Variants in COIL observed in about 807,000 individuals in gnomAD.
The protein encoded by COIL is coilin p80.
In COIL, 28 loss-of-function variants were observed where a neutral mutation model predicts 51.6. The observed-to-expected ratio is 0.54, with a 90% confidence interval of 0.40 to 0.74. The LOEUF is 0.74. COIL is among the 30% of genes least tolerant of loss of function. The probability of loss-of-function intolerance (pLI) is 0.00; values close to 1 mark genes in which losing one functional copy is unlikely to be tolerated. For missense variants in COIL, 667 were observed against 685.9 expected (o/e 0.97, Z 0.31); for synonymous variants, 233 against 255.8 (o/e 0.91, Z 0.85).
At position 56,961,048 on chromosome 17, in the gene COIL, G is replaced by C. The variant is rs201520115; in HGVS notation, c.-29C>G. 5 of 1,604,392 alleles carry C rather than the reference G, an allele frequency of 3.1e-6. No homozygotes were observed. In the African/African-American group the frequency reaches 6.7e-5, roughly 22 times the overall value. On this transcript the variant is annotated 5_prime_UTR_variant, in exon 1 of 7. It adds an upstream start codon to the 5' untranslated region. Transcript: ENST00000240316. Reference sequence around the variant, plus strand: ...GCTTGGTGCTCAACGGAAGCCGAGAGATACCACGGGGCCACCGAGAGGCGT... The same window carrying C: ...GCTTGGTGCTCAACGGAAGCCGAGACATACCACGGGGCCACCGAGAGGCGT...
intron 4 of COIL, among the ~76,000 whole-genome samples, chr17:56,947,008 T>C (rs1910261578): frequency 1.3e-5 from 2 of 152,174 alleles, no homozygotes; most frequent in South Asian, 4.1e-4. Context: ...ACTTTATCAC[T>C]GTTAAGATCC....
chr17:56,957,301 A>C (rs1167356746), intron 1 of COIL, among the ~76,000 whole-genome samples: 1 of 151,320 alleles, frequency 6.6e-6, no homozygotes, highest in African/African-American at 2.4e-5. Flanking sequence ...TGCACGATTA[A>C]AAAAAATTTA....
At chr17:56,957,666 A>C (rs911901462) in intron 1 of COIL, among the ~76,000 whole-genome samples, 1 of 152,056 alleles carries the variant, frequency 6.6e-6, no homozygotes, top group Non-Finnish European at 1.5e-5. Context: ...TAAAATAAAA[A>C]AACCAAATCT....
chr17:56,942,173 TA>T, intron 5 of COIL, 50 bp from the exon 6 acceptor site: 1 of 1,399,418 alleles, frequency 7.1e-7, no homozygotes, highest in Non-Finnish European at 1.0e-6. Context: ...TTTCAATAGT[TA>T]AAAATGTTCC....
intron 4 of COIL, among the ~76,000 whole-genome samples, chr17:56,948,132 ATTTTTTT>A (rs11450212): frequency 8.1e-6 from 1 of 123,834 alleles, no homozygotes; most frequent in Non-Finnish European, 1.6e-5. Context: ...TTGAGGAAAG[ATTTTTTT>A]TTTTTTTTTT....
At chr17:56,946,584 T>C (rs1910254495) in intron 4 of COIL, 73 bp from the exon 5 acceptor site, 4 of 954,356 alleles carry the variant, frequency 4.2e-6, no homozygotes, top group Middle Eastern at 2.4e-4. Context: ...CACTGAATTG[T>C]AGACTTTAAA....
chr17:56,946,355 G>A (rs1910250018), intron 5 of COIL, 87 bp downstream of exon 5: 1 of 885,672 alleles, frequency 1.1e-6, no homozygotes, highest in Admixed American at 2.2e-5. Flanking sequence ...GGAGGCCAAG[G>A]AAGAGAACAT....
Position 56,946,308 on chromosome 17 carries a change from A to G in COIL, c.1558+134T>C, listed in dbSNP as rs544507295. The G allele has an allele frequency of 9.7e-5, 58 of 599,586 alleles. No homozygotes were observed. The South Asian group carries it at 1.4e-3, about 15-fold the overall frequency. 37.1% of individuals were successfully genotyped at this position (599,586 alleles called of 1,614,324 possible). The stretch of plus-strand genomic sequence containing the variant: ...ACATCTCTTATGAGCCCCCAGGGCT[A>G]AAGTGTGCTGAAAGAAGTGGGGAGC... On this transcript the variant is annotated intron_variant, in intron 5 of 6. Coordinates refer to ENST00000240316, the MANE Select transcript of COIL (RefSeq NM_004645.3).
intron 6 of COIL, among the ~76,000 whole-genome samples, chr17:56,941,806 T>C (rs1306604546): frequency 6.6e-6 from 1 of 152,246 alleles, no homozygotes; most frequent in African/African-American, 2.4e-5. Flanking sequence ...TATATAGCTA[T>C]AATTTTAAAC....
At chr17:56,946,010 C>T (rs1197934355) in intron 5 of COIL, among the ~76,000 whole-genome samples, 1 of 152,196 alleles carries the variant, frequency 6.6e-6, no homozygotes, top group Non-Finnish European at 1.5e-5. Flanking sequence ...GCCACCGTGC[C>T]CAGCCTGGGT....
chr17:56,951,227 A>G (rs1477757694), intron 1 of COIL, among the ~76,000 whole-genome samples: 1 of 152,218 alleles, frequency 6.6e-6, no homozygotes, highest in East Asian at 1.9e-4. Flanking sequence ...TGCATCCTAA[A>G]CATTTTTAAT....
At chr17:56,952,900 CAACAGCT>C (rs1256815448) in intron 1 of COIL, among the ~76,000 whole-genome samples, 1 of 152,126 alleles carries the variant, frequency 6.6e-6, no homozygotes, top group East Asian at 1.9e-4. Flanking sequence ...CATCAACAGG[CAACAGCT>C]AATCCTAGTA....
At chr17:56,947,003 A>G (rs979318475) in intron 4 of COIL, among the ~76,000 whole-genome samples, 3 of 152,198 alleles carry the variant, frequency 2.0e-5, no homozygotes, top group Admixed American at 6.5e-5. Flanking sequence ...AAGGCACTTT[A>G]TCACTGTTAA....
At chr17:56,942,176 A>C (rs1439957702) in intron 5 of COIL, 53 bp from the exon 6 acceptor site, 1 of 1,382,458 alleles carries the variant, frequency 7.2e-7, no homozygotes, top group Non-Finnish European at 1.0e-6. Flanking sequence ...CAATAGTTAA[A>C]AATGTTCCTC....
chr17:56,958,792 AAG>A lies in COIL; in HGVS notation c.245+1981_245+1982del, dbSNP rs1491503759. 5.0e-4 allele frequency among the ~76,000 whole-genome samples: 76 copies of A among 152,300 alleles called. 1 individual carries two copies. ...AGAGACCTATTTCACAGTCAATAAA[AAG>A]GGGGAAAAAAAACTCTTTGAAATTT... On this transcript the variant is annotated intron_variant, in intron 1 of 6. Transcript: ENST00000240316.
Position 56,946,457 on chromosome 17 carries a change from G to A in COIL, c.1543C>T (p.Leu515Phe). The A allele has an allele frequency of 1.9e-6, 3 of 1,608,592 alleles. No homozygotes were observed. Among genetic ancestry groups the A allele is most frequent in the Non-Finnish European group, 2.6e-6 (3 of 1,175,610 alleles). The change falls in exon 5 of 7, where the codon CTT (leucine) becomes TTT (phenylalanine). Residue 515 changes from leucine (L) to phenylalanine (F), a missense_variant. By Grantham distance (22) the Leu-to-Phe change is conservative (BLOSUM62 0). Transcript: ENST00000240316. ...PETQQVDIEI[L>F]SSLPALREPG... ...AAAGACTCACCAGGTAAGGATGAAA[G>A]AATTTCTATATCTACTTGCTGGGTC...
chr17:56,957,913 G>A (rs1910513295), intron 1 of COIL, among the ~76,000 whole-genome samples: 1 of 152,178 alleles, frequency 6.6e-6, no homozygotes, highest in African/African-American at 2.4e-5. Flanking sequence ...TTAAGAGAAT[G>A]GGCTATGAGG....
At position 56,942,024 on chromosome 17, in the gene COIL, A is replaced by G. The variant is rs1910158367; in HGVS notation, c.1647+11T>C. 6 of 1,608,882 alleles carry G rather than the reference A, an allele frequency of 3.7e-6. No individual in the cohort carries two copies. Among genetic ancestry groups the G allele is most frequent in the African/African-American group, 1.3e-5 (1 of 74,816 alleles). On this transcript the variant is annotated intron_variant, in intron 6 of 6. Coordinates refer to ENST00000240316, the MANE Select transcript of COIL (RefSeq NM_004645.3). Reference sequence around the variant, plus strand: ...AATGGCCAAGCAACGCAAGAAGAGAAGCACACCTACCTTGCTCTCCTGTGT... The same window carrying G: ...AATGGCCAAGCAACGCAAGAAGAGAGGCACACCTACCTTGCTCTCCTGTGT...
At chr17:56,948,615 T>C (rs974581042) in intron 4 of COIL, among the ~76,000 whole-genome samples, 4 of 151,616 alleles carry the variant, frequency 2.6e-5, no homozygotes, top group African/African-American at 9.7e-5. Context: ...TTTAACAAGA[T>C]TTTCAACAAA....
Sources: allele counts gnomAD v4.1 joint callset (sites outside exome capture counted in the v4.1 genomes callset), GRCh38; gene constraint gnomAD v4.1.1; transcripts MANE v1.5; gene names NCBI Gene and HGNC (gene_info 2026-07-23, HGNC 2026-07-21).